The following DLGAP1 variants were observed in gnomAD, a reference collection of about 807,000 sequenced individuals.
DLGAP1 encodes DLG associated protein 1, also known as disks large-associated protein 1.
Under a neutral mutation model 90.8 loss-of-function variants are expected in DLGAP1, and 11 were observed. The observed-to-expected ratio is 0.12, with a 90% CI of 0.08 to 0.20. DLGAP1 has a LOEUF of 0.20. Among genes scored for constraint, DLGAP1 ranks in the 10% least tolerant of loss-of-function variants. The pLI is 1.00. For missense variants in DLGAP1, 1,050 were observed against 1,333.8 expected, an observed-to-expected ratio of 0.79 and a Z score of 3.31; for synonymous variants, 558 against 540.7, an observed-to-expected ratio of 1.03 and a Z score of -0.44.
At chr18:3,802,937 A>C (rs55938322) in intron 5 of DLGAP1, among the ~76,000 whole-genome samples, 1 of 151,998 alleles carries the variant, frequency 6.6e-6, no homozygotes, top group Non-Finnish European at 1.5e-5. Flanking sequence ...ATCTTTGAGG[A>C]TCCTTTTAGT....
rs552642916 is a variant in DLGAP1, at chr18:3,599,411, A to G, written c.1592-17163T>C. 7.9e-5 allele frequency among the ~76,000 whole-genome samples: 12 copies of G among 152,340 alleles called. 1 individual carries two copies. The Middle Eastern group carries it at 0.017, about 216-fold the overall frequency. The stretch of plus-strand genomic sequence containing the variant: ...CTGCAGGGAGAGGTGGCATCACCGC[A>G]CTGTAAATAGTTTCCGAGGTCAAGT... On this transcript the variant is annotated intron_variant, in intron 7 of 12. Transcript: ENST00000315677.
intron 7 of DLGAP1, among the ~76,000 whole-genome samples, chr18:3,629,427 T>G (rs1487062425): frequency 2.0e-5 from 3 of 151,990 alleles, no homozygotes; most frequent in Non-Finnish European, 2.9e-5. Context: ...ATCCCAGCAC[T>G]TTGGGAGGCT....
At chr18:4,420,642 T>C (rs1882122096) in intron 1 of DLGAP1, among the ~76,000 whole-genome samples, 1 of 152,188 alleles carries the variant, frequency 6.6e-6, no homozygotes, top group Non-Finnish European at 1.5e-5. Context: ...GTTATTGCTA[T>C]GCACTGATAA....
At chr18:3,584,923 T>A (rs1475578375) in intron 7 of DLGAP1, among the ~76,000 whole-genome samples, 1 of 152,148 alleles carries the variant, frequency 6.6e-6, no homozygotes, top group African/African-American at 2.4e-5. Flanking sequence ...CAGCTAATTT[T>A]TTATTTTTTG....
intron 2 of DLGAP1, among the ~76,000 whole-genome samples, chr18:4,066,010 C>T (rs2075365494): frequency 1.3e-5 from 2 of 152,038 alleles, no homozygotes; most frequent in South Asian, 2.1e-4. Flanking sequence ...AGAAATATGA[C>T]CACACACCTA....
rs181642640 is a variant in DLGAP1, at chr18:3,576,427, T to G, written c.1965+5448A>C. 1.4e-3 allele frequency among the ~76,000 whole-genome samples: 211 copies of G among 151,188 alleles called. 1 individual carries two copies. The highest frequency in any genetic ancestry group is 5.0e-3 in the African/African-American group (207 of 41,148). On this transcript the variant is annotated intron_variant, in intron 8 of 12. Coordinates refer to ENST00000315677, the MANE Select transcript of DLGAP1 (RefSeq NM_004746.4). Reference sequence around the variant, plus strand: ...GTGCCCACCACCATGCCCAACTAATTTTTTTGTATTTTTAGTAGAGACTGG... The same window carrying G: ...GTGCCCACCACCATGCCCAACTAATGTTTTTGTATTTTTAGTAGAGACTGG...
chr18:4,134,207 C>T (rs1250567960), intron 2 of DLGAP1, among the ~76,000 whole-genome samples: 1 of 151,950 alleles, frequency 6.6e-6, no homozygotes, highest in South Asian at 2.1e-4. Flanking sequence ...AAGAAACACC[C>T]GTGTTCTCCT....
At chr18:4,356,451 G>C (rs116201113) in intron 1 of DLGAP1, among the ~76,000 whole-genome samples, 1 of 151,888 alleles carries the variant, frequency 6.6e-6, no homozygotes, top group East Asian at 1.9e-4. Context: ...GCCCATCCCC[G>C]TTTTTTCCTA....
chr18:4,332,053 A>G (rs2080964835), intron 1 of DLGAP1, among the ~76,000 whole-genome samples: 1 of 151,918 alleles, frequency 6.6e-6, no homozygotes, highest in Non-Finnish European at 1.5e-5. Flanking sequence ...ACATAAAGAA[A>G]GTGAGCCCAG....
At chr18:3,694,978 C>CA (rs373665939) in intron 7 of DLGAP1, among the ~76,000 whole-genome samples, 7 of 105,988 alleles carry the variant, frequency 6.6e-5, no homozygotes, top group South Asian at 3.7e-4. Context: ...CTTGTTCTGT[C>CA]GCCCAGACTG....
intron 5 of DLGAP1, among the ~76,000 whole-genome samples, chr18:3,766,364 A>C (rs547626220): frequency 5.3e-5 from 8 of 152,266 alleles, no homozygotes; most frequent in Admixed American, 2.0e-4. Flanking sequence ...GAAATAGAAA[A>C]ATTCACGATT....
At chr18:4,109,855 G>A (rs10163539) in intron 2 of DLGAP1, among the ~76,000 whole-genome samples, 6,873 of 151,850 alleles carry the variant, frequency 0.045, 548 homozygotes, top group African/African-American at 0.16. Context: ...ATTTGGGTTC[G>A]ATTTTCCTTT....
intron 9 of DLGAP1, among the ~76,000 whole-genome samples, chr18:3,554,395 T>C (rs964594488): frequency 6.6e-6 from 1 of 152,180 alleles, no homozygotes; most frequent in Non-Finnish European, 1.5e-5. Flanking sequence ...CAGCTAATGT[T>C]TGATGAAGAT....
At chr18:3,650,753 C>A (rs1260257379) in intron 7 of DLGAP1, among the ~76,000 whole-genome samples, 1 of 152,220 alleles carries the variant, frequency 6.6e-6, no homozygotes, top group Non-Finnish European at 1.5e-5. Flanking sequence ...ATCTGACTAA[C>A]ATTTTGATTT....
At chr18:3,602,166 C>T (rs77283078) in intron 7 of DLGAP1, among the ~76,000 whole-genome samples, 5,768 of 152,242 alleles carry the variant, frequency 0.038, 119 homozygotes, top group South Asian at 0.067. Flanking sequence ...TGCAAGTACT[C>T]TCACCCTTCA....
chr18:4,197,188 T>TAAAAAAAAAAAAAAAAAAAAA (rs532844849), intron 1 of DLGAP1, among the ~76,000 whole-genome samples: 17 of 73,634 alleles, frequency 2.3e-4, no homozygotes, highest in Admixed American at 3.4e-4. Flanking sequence ...TAAAAAAAAG[T>TAAAAAAAAAAAAAAAAAAAAA]AAAAAAAAAA....
chr18:3,561,930 A>T (rs2054143585), intron 9 of DLGAP1, among the ~76,000 whole-genome samples: 1 of 150,830 alleles, frequency 6.6e-6, no homozygotes, highest in East Asian at 1.9e-4. Context: ...ACATGGTGGC[A>T]GACAGGAGAA....
intron 1 of DLGAP1, among the ~76,000 whole-genome samples, chr18:4,379,179 C>T (rs928143115): frequency 2.0e-5 from 3 of 152,054 alleles, no homozygotes; most frequent in Non-Finnish European, 2.9e-5. Flanking sequence ...AATTATTTAG[C>T]AGAGAGAGTC....
intron 4 of DLGAP1, among the ~76,000 whole-genome samples, chr18:3,867,163 T>G (rs2070448951): frequency 6.6e-6 from 1 of 152,160 alleles, no homozygotes; most frequent in Non-Finnish European, 1.5e-5. Context: ...GAATCAGTGT[T>G]ATTAACACTG....
Sources: gnomAD v4.1 joint callset for allele counts (sites outside exome capture counted in the v4.1 genomes callset) on GRCh38, gnomAD v4.1.1 for gene constraint, MANE v1.5 for transcripts, NCBI Gene and HGNC (gene_info 2026-07-23, HGNC 2026-07-21) for gene names.